NTN4: variants seen among roughly 807,000 people sequenced by gnomAD.
The protein encoded by NTN4 is netrin-4.
Under a neutral mutation model 73.6 loss-of-function variants are expected in NTN4, and 32 were observed. That is an observed-to-expected ratio of 0.44 (90% CI 0.33 to 0.58). NTN4 has a LOEUF of 0.58. NTN4 is among the 20% of genes least tolerant of loss of function. The probability of loss-of-function intolerance (pLI) is 0.04; values close to 1 mark genes in which losing one functional copy is unlikely to be tolerated. For synonymous variants in NTN4, 258 were observed against 287.5 expected (o/e 0.90, Z 1.04); for missense variants, 654 against 798.3 (o/e 0.82, Z 2.18).
chr12:95,714,671 C>T (rs2078592542), intron 3 of NTN4, among the ~76,000 whole-genome samples: 1 of 152,178 alleles, frequency 6.6e-6, no homozygotes, highest in Non-Finnish European at 1.5e-5. Context: ...GAAATCACCA[C>T]AGGCTGACAG....
At chr12:95,664,168 C>T (rs2078160469) in intron 9 of NTN4, among the ~76,000 whole-genome samples, 1 of 152,080 alleles carries the variant, frequency 6.6e-6, no homozygotes, top group Non-Finnish European at 1.5e-5. Context: ...ATCCTCCTAC[C>T]TCAGCCTTCC....
intron 5 of NTN4, among the ~76,000 whole-genome samples, chr12:95,701,338 G>A (rs545378843): frequency 2.0e-5 from 3 of 152,226 alleles, no homozygotes; most frequent in South Asian, 4.1e-4. Context: ...CTCCATTTCT[G>A]TTCTCAGCCC....
intron 3 of NTN4, among the ~76,000 whole-genome samples, chr12:95,735,598 T>C (rs1012393767): frequency 3.9e-5 from 6 of 152,186 alleles, no homozygotes; most frequent in Admixed American, 3.3e-4. Flanking sequence ...CTAACATCCT[T>C]TTGGAATGGA....
chr12:95,772,158 G>A (rs2079062824), intron 2 of NTN4, among the ~76,000 whole-genome samples: 1 of 152,068 alleles, frequency 6.6e-6, no homozygotes, highest in Non-Finnish European at 1.5e-5. Flanking sequence ...TCCCACCTCA[G>A]CCTCACAAGT....
intron 5 of NTN4, among the ~76,000 whole-genome samples, chr12:95,704,360 A>T (rs1293549899): frequency 1.3e-5 from 2 of 152,220 alleles, no homozygotes; most frequent in African/African-American, 4.8e-5. Context: ...TACCTTCCTC[A>T]TAAAAGTAAA....
chr12:95,667,594 C>T (rs1592651142), intron 8 of NTN4, among the ~76,000 whole-genome samples: 1 of 152,190 alleles, frequency 6.6e-6, no homozygotes, highest in Non-Finnish European at 1.5e-5. Flanking sequence ...GGGACTCATG[C>T]CTGTAATCCC....
intron 2 of NTN4, among the ~76,000 whole-genome samples, chr12:95,760,735 A>AG (rs1342900405): frequency 1.4e-5 from 2 of 140,168 alleles, no homozygotes; most frequent in Admixed American, 1.5e-4. Context: ...GGGAAAGAAG[A>AG]GGGGGGCAGT....
chr12:95,762,679 G>A lies in NTN4; in HGVS notation c.585+24260C>T, dbSNP rs149420846. ...GAGGTGAGTCTAATTCACATGATTCGTATAGAGACAGAAAACAGTAAATGG... is the reference window on the plus strand; with the variant it reads ...GAGGTGAGTCTAATTCACATGATTCATATAGAGACAGAAAACAGTAAATGG... On this transcript the variant is annotated intron_variant, in intron 2 of 9. Transcript: ENST00000343702. Among the ~76,000 whole-genome samples, 1,259 of 152,292 alleles carry A rather than the reference G, an allele frequency of 8.3e-3. 14 individuals carry two copies. Among genetic ancestry groups the A allele is most frequent in the Non-Finnish European group, 9.8e-3 (664 of 68,028 alleles).
chr12:95,675,979 C>T (rs1289980492), intron 7 of NTN4, among the ~76,000 whole-genome samples: 1 of 152,158 alleles, frequency 6.6e-6, no homozygotes, highest in African/African-American at 2.4e-5. Flanking sequence ...AGCATCTAGT[C>T]CTGCAAATTA....
intron 9 of NTN4, among the ~76,000 whole-genome samples, chr12:95,664,232 A>AT (rs990222059): frequency 4.0e-5 from 6 of 151,886 alleles, no homozygotes; most frequent in Non-Finnish European, 8.8e-5. Context: ...TATTTAAAAA[A>AT]TTTTTTGTGG....
intron 5 of NTN4, among the ~76,000 whole-genome samples, chr12:95,696,772 C>G (rs1218712639): frequency 1.3e-5 from 2 of 152,168 alleles, no homozygotes; most frequent in African/African-American, 4.8e-5. Context: ...CTATGGTAAA[C>G]TCAAATGGTC....
At chr12:95,662,181 G>A (rs10859920) in intron 9 of NTN4, among the ~76,000 whole-genome samples, 60,342 of 145,542 alleles carry the variant, frequency 0.41, 12,859 homozygotes, top group Admixed American at 0.47. Context: ...TCCCCTAAAC[G>A]TCTCCCCTCC....
intron 8 of NTN4, among the ~76,000 whole-genome samples, chr12:95,668,637 G>A (rs1252825965): frequency 6.6e-6 from 1 of 152,170 alleles, no homozygotes; most frequent in African/African-American, 2.4e-5. Flanking sequence ...CATAAATGAT[G>A]ACTTAAAATT....
chr12:95,713,239 T>C lies in NTN4; in HGVS notation c.964A>G (p.Lys322Glu). The C allele has an allele frequency of 6.2e-7, 1 of 1,613,642 alleles. No homozygotes were observed. Among genetic ancestry groups the C allele is most frequent in the South Asian group, 1.1e-5 (1 of 91,024 alleles). The change falls in exon 4 of 10, where the codon AAA becomes GAA. Residue 322 changes from lysine (K) to glutamate (E), a missense_variant. By Grantham distance (56) the Lys-to-Glu change is moderately conservative. Coordinates refer to ENST00000343702, the MANE Select transcript of NTN4 (RefSeq NM_021229.4). ...CTGCACTCGTTGGGAGCCCCCGTTTTGCCATCAGCTGCCTCCCATGGCCGG... is the reference window on the plus strand; with the variant it reads ...CTGCACTCGTTGGGAGCCCCCGTTTCGCCATCAGCTGCCTCCCATGGCCGG... ...NDRPWEAADG[K>E]TGAPNECRTC...
chr12:95,718,139 A>G (rs533373463), intron 3 of NTN4, among the ~76,000 whole-genome samples: 1 of 152,370 alleles, frequency 6.6e-6, no homozygotes, highest in East Asian at 1.9e-4. Flanking sequence ...ATTAAAGCCA[A>G]ATAGGCATGG....
At chr12:95,676,372 G>T (rs2078273290) in intron 7 of NTN4, among the ~76,000 whole-genome samples, 1 of 151,904 alleles carries the variant, frequency 6.6e-6, no homozygotes, top group African/African-American at 2.4e-5. Context: ...CTCCCAAAGT[G>T]CTGGGATTGC....
chr12:95,790,929 G>GGGGC (rs747669629), upstream of NTN4, among the ~76,000 whole-genome samples: 5 of 24,636 alleles, frequency 2.0e-4, 2 homozygotes, highest in Admixed American at 1.9e-3. The surrounding 1 kb of genome is among the most constrained non-coding windows in gnomAD (Gnocchi z 6.5). Flanking sequence ...GCTGCCGCCC[G>GGGGC]GGGGGGGGGT....
At chr12:95,745,167 A>C (rs948382200) in intron 2 of NTN4, among the ~76,000 whole-genome samples, 5 of 151,892 alleles carry the variant, frequency 3.3e-5, no homozygotes, top group African/African-American at 1.2e-4. Context: ...GGTTTGTTGC[A>C]CTTCTTGGAT....
At chr12:95,674,455 TAAAAG>T (rs2078258076) in intron 7 of NTN4, among the ~76,000 whole-genome samples, 1 of 152,100 alleles carries the variant, frequency 6.6e-6, no homozygotes, top group Non-Finnish European at 1.5e-5. Flanking sequence ...TGTGTTTTCT[TAAAAG>T]AAATCTGGAA....
Sources: allele counts gnomAD v4.1 joint callset (sites outside exome capture counted in the v4.1 genomes callset), GRCh38; gene constraint gnomAD v4.1.1; non-coding constraint Gnocchi (gnomAD v3.1); transcripts MANE v1.5; gene names NCBI Gene and HGNC (gene_info 2026-07-23, HGNC 2026-07-21).